The following PFKFB3 variants were observed in gnomAD, a reference collection of about 807,000 sequenced individuals.
The protein encoded by PFKFB3 is 6-phosphofructo-2-kinase/fructose-2,6-biphosphatase 3.
PFKFB3 carries 33 observed loss-of-function variants against 68.0 expected under a neutral mutation model. The observed-to-expected ratio is 0.49, with a 90% CI of 0.37 to 0.65. The LOEUF is 0.65. PFKFB3 is among the 30% of genes least tolerant of loss of function. The pLI, the probability that PFKFB3 is intolerant of heterozygous loss-of-function variation, is 0.00. For synonymous variants in PFKFB3, 315 were observed against 288.2 expected, an observed-to-expected ratio of 1.09 and a Z score of -0.94; for missense variants, 586 against 712.2, an observed-to-expected ratio of 0.82 and a Z score of 2.02.
intron 11 of PFKFB3, among the ~76,000 whole-genome samples, chr10:6,223,451 C>T (rs147832703): frequency 9.9e-5 from 15 of 152,240 alleles, no homozygotes; most frequent in East Asian, 5.8e-4. Flanking sequence ...ACCGTGAGGG[C>T]GAGTCTTTTG....
Position 6,152,190 on chromosome 10 carries a change from G to T in PFKFB3, c.16+7177G>T, listed in dbSNP as rs888141274. The T allele has an allele frequency of 9.7e-5, 15 of 154,424 alleles. 1 individual carries two copies. Among genetic ancestry groups the T allele is most frequent in the Admixed American group, 7.2e-4 (11 of 15,270 alleles). The allele number at this position is 154,424 out of a possible 1,614,324, so 9.6% of individuals were successfully genotyped here. On this transcript the variant is annotated intron_variant, in intron 1 of 14. Coordinates refer to the PFKFB3 transcript ENST00000379789. The stretch of plus-strand genomic sequence containing the variant: ...GGGTGGTGACCCACACTTTTGAGAT[G>T]CCTGTTCCGGGCATCACCTCCCACT...
rs548027429 is a variant in PFKFB3 at position 6,210,960 on chromosome 10, G to A, written c.77-2663G>A. On this transcript the variant is annotated intron_variant, in intron 1 of 14. Transcript: ENST00000379775. The stretch of plus-strand genomic sequence containing the variant: ...CCTGACCTCATGATCCACCCGCCTC[G>A]GCCTCCCAGAGGGCTGGGATTACAG... Among the ~76,000 whole-genome samples the A allele has an allele frequency of 1.4e-4, 20 of 146,812 alleles. 8 individuals are homozygous for A. The highest frequency in any genetic ancestry group is 5.2e-4 in the African/African-American group (20 of 38,262).
At chr10:6,269,348 A>G in the PFKFB3 span, among the ~76,000 whole-genome samples, 1 of 151,762 alleles carries the variant, frequency 6.6e-6, no homozygotes, top group Admixed American at 6.6e-5. Context: ...GTACTTATTT[A>G]TTTTCAGAGA....
At chr10:6,155,151 G>A (rs1444035217) in intron 1 of PFKFB3, among the ~76,000 whole-genome samples, 3 of 152,078 alleles carry the variant, frequency 2.0e-5, no homozygotes, top group African/African-American at 7.2e-5. Flanking sequence ...GTTTACTCCG[G>A]GCACTGAGCA....
the PFKFB3 span, among the ~76,000 whole-genome samples, chr10:6,280,609 C>A: frequency 0.016 from 2,414 of 152,234 alleles, 63 homozygotes; most frequent in African/African-American, 0.055. Flanking sequence ...TCTAGAAAAA[C>A]CTTCTCTGCA....
intron 6 of PFKFB3, among the ~76,000 whole-genome samples, chr10:6,218,209 A>G (rs1356412510): frequency 6.6e-6 from 1 of 152,154 alleles, no homozygotes; most frequent in Non-Finnish European, 1.5e-5. Flanking sequence ...GTGGTCACCA[A>G]TGTGCTTAGC....
chr10:6,146,766 C>T (rs1471285844), intron 1 of PFKFB3, among the ~76,000 whole-genome samples: 6 of 152,190 alleles, frequency 3.9e-5, no homozygotes, highest in Non-Finnish European at 8.8e-5. Context: ...TTTATGACAG[C>T]GTATTTTAGT....
the PFKFB3 span, among the ~76,000 whole-genome samples, chr10:6,308,646 TTTA>T: frequency 7.0e-6 from 1 of 142,224 alleles, no homozygotes; most frequent in African/African-American, 2.6e-5. Context: ...CATGTTCTCT[TTTA>T]AAAAAAACAT....
chr10:6,166,246 T>A (rs1177571090), intron 1 of PFKFB3, among the ~76,000 whole-genome samples: 7 of 151,892 alleles, frequency 4.6e-5, no homozygotes. Flanking sequence ...TCTCCCAGAG[T>A]GCTGGGATTA....
chr10:6,284,875 A>G, the PFKFB3 span, among the ~76,000 whole-genome samples: 1 of 152,194 alleles, frequency 6.6e-6, no homozygotes, highest in Admixed American at 6.5e-5. Flanking sequence ...ACTTACAATA[A>G]TGTTTTTAAG....
At chr10:6,260,680 A>G in the PFKFB3 span, among the ~76,000 whole-genome samples, 1 of 152,144 alleles carries the variant, frequency 6.6e-6, no homozygotes, top group Non-Finnish European at 1.5e-5. Flanking sequence ...ATTTTCCTCA[A>G]CATTAAATTC....
chr10:6,322,780 G>A, the PFKFB3 span, among the ~76,000 whole-genome samples: 66 of 152,174 alleles, frequency 4.3e-4, 1 homozygote, highest in Admixed American at 4.3e-3. Context: ...CTTGAGTGTC[G>A]TCTGAAAGAT....
chr10:6,211,797 C>T (rs1056819239), intron 1 of PFKFB3, among the ~76,000 whole-genome samples: 1 of 152,238 alleles, frequency 6.6e-6, no homozygotes, highest in Non-Finnish European at 1.5e-5. Context: ...CTGCTGATAG[C>T]CTGTCTGTCT....
At chr10:6,182,547 C>T (rs1342863626) in intron 1 of PFKFB3, among the ~76,000 whole-genome samples, 2 of 152,242 alleles carry the variant, frequency 1.3e-5, no homozygotes, top group African/African-American at 4.8e-5. Context: ...GGTCTCCACG[C>T]CAGCACTGTG....
the PFKFB3 span, among the ~76,000 whole-genome samples, chr10:6,275,304 C>G: frequency 2.7e-3 from 407 of 152,368 alleles, 1 homozygote; most frequent in African/African-American, 9.2e-3. The surrounding 1 kb of genome is among the most constrained non-coding windows in gnomAD (Gnocchi z 4.9). Context: ...CTCTGCATAG[C>G]TTGTCTGTGA....
At chr10:6,259,332 C>T (rs1355755913), downstream of PFKFB3, among the ~76,000 whole-genome samples, 1 of 149,300 alleles carries the variant, frequency 6.7e-6, no homozygotes, top group Non-Finnish European at 1.5e-5. Context: ...ATCCATCCAT[C>T]TACATCCATC....
At chr10:6,297,582 G>A in the PFKFB3 span, among the ~76,000 whole-genome samples, 1 of 152,146 alleles carries the variant, frequency 6.6e-6, no homozygotes, top group Non-Finnish European at 1.5e-5. Flanking sequence ...AGGGAAGCAA[G>A]ACGTTTACTG....
At chr10:6,221,819 C>T in intron 10 of PFKFB3, 74 bp downstream of exon 10, 1 of 1,002,238 alleles carries the variant, frequency 1.0e-6, no homozygotes, top group Non-Finnish European at 1.5e-6. Flanking sequence ...GGCCACCCCT[C>T]CAGGGAGTTC....
rs1232747551 is a variant in PFKFB3, at chr10:6,233,310, G to A, written c.*368G>A. 8 of 199,550 alleles carry A rather than the reference G, an allele frequency of 4.0e-5. No individual in the cohort carries two copies. The highest frequency in any genetic ancestry group is 7.1e-5 in the Non-Finnish European group (7 of 99,262). The allele number at this position is 199,550 out of a possible 1,614,324, so 12.4% of individuals were successfully genotyped here. On this transcript the variant is annotated 3_prime_UTR_variant, in exon 15 of 15. Transcript: ENST00000379775. ...TTTTGTTTCGTTTCTGTGATCTCCC[G>A]GCACGTTTGGAGCTGGGAAGACCAC...
Sources: gnomAD v4.1 joint callset for allele counts (sites outside exome capture counted in the v4.1 genomes callset) on GRCh38, gnomAD v4.1.1 for gene constraint, Gnocchi (gnomAD v3.1) non-coding constraint, MANE v1.5 for transcripts, NCBI Gene and HGNC (gene_info 2026-07-23, HGNC 2026-07-21) for gene names.